The following CSMD2 variants were observed in gnomAD, a reference collection of about 807,000 sequenced individuals.
CSMD2 encodes CUB and Sushi multiple domains 2.
In CSMD2, 130 loss-of-function variants were observed where a neutral mutation model predicts 398.5. The observed-to-expected ratio is 0.33, with a 90% CI of 0.28 to 0.38. The LOEUF is 0.38. Among genes scored for constraint, CSMD2 ranks in the 10% least tolerant of loss-of-function variants. The pLI is 1.00. For synonymous variants in CSMD2, 1,828 were observed against 1,908.5 expected, an observed-to-expected ratio of 0.96 and a Z score of 1.10; for missense variants, 3,829 against 4,764.9, an observed-to-expected ratio of 0.80 and a Z score of 5.78.
chr1:33,795,384 A>C (rs1015175194), intron 10 of CSMD2, among the ~76,000 whole-genome samples: 1 of 151,990 alleles, frequency 6.6e-6, no homozygotes, highest in Non-Finnish European at 1.5e-5. Context: ...CATCTCTCAC[A>C]CTCCACACTC....
intron 49 of CSMD2, among the ~76,000 whole-genome samples, chr1:33,575,528 C>T (rs1428769950): frequency 6.6e-6 from 1 of 151,950 alleles, no homozygotes; most frequent in Admixed American, 6.6e-5. Context: ...CAGTGGGAGG[C>T]TTAGAGGAAG....
chr1:34,144,827 A>G (rs1375401378), intron 1 of CSMD2, among the ~76,000 whole-genome samples: 2 of 152,236 alleles, frequency 1.3e-5, no homozygotes, highest in Non-Finnish European at 2.9e-5. Context: ...AAAGGCAGTA[A>G]TGAGAGTTTG....
At chr1:33,927,370 T>C (rs112139252) in intron 4 of CSMD2, among the ~76,000 whole-genome samples, 2,746 of 152,318 alleles carry the variant, frequency 0.018, 81 homozygotes, top group African/African-American at 0.061. Flanking sequence ...GGTATCCTTC[T>C]GAGGGGAAGA....
intron 25 of CSMD2, among the ~76,000 whole-genome samples, chr1:33,682,686 CCAAATGCTT>C (rs1644945589): frequency 6.6e-6 from 1 of 152,020 alleles, no homozygotes; most frequent in African/African-American, 2.4e-5. Context: ...GTCGGTTTTG[CCAAATGCTT>C]GTAGGGATTT....
At position 33,635,102 on chromosome 1, in the gene CSMD2, C is replaced by T. The variant is rs866600997; in HGVS notation, c.5086+112G>A. The T allele has an allele frequency of 1.8e-5, 12 of 677,692 alleles. No individual in the cohort carries two copies. The highest frequency in any genetic ancestry group is 5.1e-5 in the South Asian group (3 of 58,570). 42.0% of individuals were successfully genotyped at this position (677,692 alleles called of 1,614,324 possible). ...CCGTCCTTTTGGGGAGACTGTTCTG[C>T]GATTCCCACAATGGGGCTGTATATA... is the stretch of plus-strand genomic sequence containing the variant. On this transcript the variant is annotated intron_variant, in intron 31 of 70. Transcript: ENST00000373381. The surrounding 1 kb of genome is among the most constrained non-coding windows in gnomAD (Gnocchi z 5.0).
intron 1 of CSMD2, among the ~76,000 whole-genome samples, chr1:34,092,112 G>C (rs1325454444): frequency 6.6e-6 from 1 of 152,126 alleles, no homozygotes; most frequent in East Asian, 1.9e-4. Flanking sequence ...AAAAGATCTT[G>C]TTTATGGTAA....
At chr1:34,149,999 G>A (rs1448640103) in intron 1 of CSMD2, among the ~76,000 whole-genome samples, 1 of 151,992 alleles carries the variant, frequency 6.6e-6, no homozygotes, top group Non-Finnish European at 1.5e-5. Flanking sequence ...CATTAAAGAC[G>A]CAGATCCCTG....
intron 10 of CSMD2, chr1:33,804,966 C>T (rs985003039): frequency 1.3e-5 from 9 of 705,886 alleles, no homozygotes; most frequent in Middle Eastern, 2.3e-4. Context: ...CCCACCAAGG[C>T]CCCACAGAGA....
intron 10 of CSMD2, among the ~76,000 whole-genome samples, chr1:33,808,302 A>G (rs1367165729): frequency 6.6e-6 from 1 of 152,112 alleles, no homozygotes; most frequent in East Asian, 1.9e-4. Flanking sequence ...AGAAAACAAA[A>G]ACTGCAAAAT....
intron 7 of CSMD2, among the ~76,000 whole-genome samples, chr1:33,823,968 C>T (rs1481059891): frequency 6.6e-6 from 1 of 152,096 alleles, no homozygotes; most frequent in African/African-American, 2.4e-5. Context: ...ACTTTTTTGG[C>T]TAGTCCATGG....
At chr1:33,898,607 G>A (rs1642547350) in intron 5 of CSMD2, among the ~76,000 whole-genome samples, 1 of 152,144 alleles carries the variant, frequency 6.6e-6, no homozygotes. Flanking sequence ...CCGGGGCTAG[G>A]AGTCGCCAGA....
rs1174689572 is a variant in CSMD2 at position 33,968,425 on chromosome 1, C to T, written c.518-32471G>A. 2.0e-5 allele frequency among the ~76,000 whole-genome samples: 3 copies of T among 152,180 alleles called. 1 individual carries two copies. The highest frequency in any genetic ancestry group is 7.2e-5 in the African/African-American group (3 of 41,438). ...AGGCCTGTGATTTGCCTCTCACCAA[C>T]AGAACATGAAAAAGGGGATGGGATG... On this transcript the variant is annotated intron_variant, in intron 3 of 70. Coordinates refer to ENST00000373381, the MANE Select transcript of CSMD2 (RefSeq NM_001281956.2).
chr1:34,124,667 G>C (rs1423747773), intron 1 of CSMD2, among the ~76,000 whole-genome samples: 1 of 152,188 alleles, frequency 6.6e-6, no homozygotes, highest in African/African-American at 2.4e-5. Context: ...TGCGAGGTTG[G>C]CATCCCAACT....
chr1:34,034,376 C>T (rs766006961), intron 2 of CSMD2, among the ~76,000 whole-genome samples: 2 of 152,100 alleles, frequency 1.3e-5, no homozygotes, highest in African/African-American at 4.8e-5. Context: ...AGAGTCATTC[C>T]GAGTCCTTCT....
intron 13 of CSMD2, among the ~76,000 whole-genome samples, chr1:33,749,089 CTTCTTT>C (rs1647810728): frequency 7.5e-6 from 1 of 132,558 alleles, no homozygotes; most frequent in Non-Finnish European, 1.6e-5. Flanking sequence ...TCAATACAGA[CTTCTTT>C]TTTTTTTTTT....
chr1:34,150,079 C>CT lies in CSMD2; in HGVS notation c.187+14831dup, dbSNP rs772520303. Among the ~76,000 whole-genome samples, 454 of 138,112 alleles carry CT rather than the reference C, an allele frequency of 3.3e-3. 8 individuals are homozygous for CT. The highest frequency in any genetic ancestry group is 0.023 in the East Asian group (107 of 4,746). 90.6% of individuals were successfully genotyped at this position (138,112 alleles called of 152,430 possible). ...CTGGAAATCTACATTTTTCTTCTTTCTTTTTTTTTTGTTTTTTTTTGAGAC... is the reference window on the plus strand; with the variant it reads ...CTGGAAATCTACATTTTTCTTCTTTCTTTTTTTTTTTGTTTTTTTTTGAGAC... On this transcript the variant is annotated intron_variant, in intron 1 of 70. Coordinates refer to ENST00000373381, the MANE Select transcript of CSMD2 (RefSeq NM_001281956.2).
rs60273744 is a variant in CSMD2 at position 33,768,536 on chromosome 1, A to ATGTGTGTGTGTGTG, written c.1846+4019_1846+4032dup. 2.8e-5 allele frequency among the ~76,000 whole-genome samples: 4 copies of ATGTGTGTGTGTGTG among 142,158 alleles called. No individual in the cohort carries two copies. The East Asian group carries it at 6.2e-4, about 22-fold the overall frequency. 93.3% of individuals were successfully genotyped at this position (142,158 alleles called of 152,430 possible). ...AATTCATCCCGGAATGTGTGCGTGCATGTGTGTGTGTGTGTGTGTGTGTGT... is the reference window on the plus strand; with the variant it reads ...AATTCATCCCGGAATGTGTGCGTGCATGTGTGTGTGTGTGTGTGTGTGTGTGTGTGTGTGTGTGT... On this transcript the variant is annotated intron_variant, in intron 13 of 70. Coordinates refer to ENST00000373381, the MANE Select transcript of CSMD2 (RefSeq NM_001281956.2).
At chr1:33,705,587 TG>T (rs1190568450) in intron 22 of CSMD2, among the ~76,000 whole-genome samples, 10 of 152,146 alleles carry the variant, frequency 6.6e-5, no homozygotes, top group Non-Finnish European at 1.5e-4. Flanking sequence ...AGTTAAGGCC[TG>T]GGGCTTTTGA....
At chr1:33,529,226 C>A (rs1161097712) in intron 64 of CSMD2, among the ~76,000 whole-genome samples, 1 of 152,164 alleles carries the variant, frequency 6.6e-6, no homozygotes, top group African/African-American at 2.4e-5. Flanking sequence ...CTGTAACCTC[C>A]AAATCCTGGG....
Sources: gnomAD v4.1 joint callset for allele counts (sites outside exome capture counted in the v4.1 genomes callset) on GRCh38, gnomAD v4.1.1 for gene constraint, Gnocchi (gnomAD v3.1) non-coding constraint, MANE v1.5 for transcripts, NCBI Gene and HGNC (gene_info 2026-07-23, HGNC 2026-07-21) for gene names.